MACROD2: variants seen among roughly 807,000 people sequenced by gnomAD.
The protein encoded by MACROD2 is mono-ADP ribosylhydrolase 2.
Under a neutral mutation model 70.4 loss-of-function variants are expected in MACROD2, and 36 were observed. The ratio of observed to expected loss-of-function variants is 0.51; its 90% CI spans 0.39 to 0.68. The LOEUF is 0.68. MACROD2 is among the 30% of genes least tolerant of loss of function. The pLI is 0.00. For synonymous variants in MACROD2, 172 were observed against 178.8 expected (o/e 0.96, Z 0.30); for missense variants, 496 against 538.4 (o/e 0.92, Z 0.78).
intron 6 of MACROD2, among the ~76,000 whole-genome samples, chr20:15,300,633 T>G (rs890248072): frequency 1.3e-5 from 2 of 152,168 alleles, no homozygotes; most frequent in African/African-American, 4.8e-5. Flanking sequence ...TTACAAGACT[T>G]ACTTTGAAAT....
chr20:14,681,295 C>T (rs944724548), intron 4 of MACROD2, among the ~76,000 whole-genome samples: 15 of 152,072 alleles, frequency 9.9e-5, no homozygotes, highest in Non-Finnish European at 1.8e-4. Context: ...CGTATAGCTA[C>T]AAGATGGTTT....
At chr20:15,788,571 G>A (rs904664966) in intron 8 of MACROD2, among the ~76,000 whole-genome samples, 1 of 152,130 alleles carries the variant, frequency 6.6e-6, no homozygotes, top group African/African-American at 2.4e-5. Context: ...GTTACTAAGA[G>A]GTAATTACTG....
At chr20:15,647,517 A>G (rs949514385) in intron 8 of MACROD2, among the ~76,000 whole-genome samples, 13 of 152,190 alleles carry the variant, frequency 8.5e-5, no homozygotes, top group Admixed American at 7.9e-4. Flanking sequence ...AGAAAATATT[A>G]AAGTTTGTCT....
chr20:14,976,257 T>A (rs1441168260), intron 5 of MACROD2, among the ~76,000 whole-genome samples: 1 of 152,214 alleles, frequency 6.6e-6, no homozygotes, highest in Non-Finnish European at 1.5e-5. Context: ...TCAGTTTCCT[T>A]GGGCTAAAGG....
At chr20:15,506,611 C>T (rs2047429033) in intron 8 of MACROD2, among the ~76,000 whole-genome samples, 3 of 152,158 alleles carry the variant, frequency 2.0e-5, no homozygotes, top group Admixed American at 2.0e-4. Flanking sequence ...TGGGGCCTGC[C>T]TTATGTCTCT....
intron 6 of MACROD2, among the ~76,000 whole-genome samples, chr20:15,289,197 A>G (rs998999975): frequency 2.0e-5 from 3 of 152,208 alleles, no homozygotes; most frequent in African/African-American, 7.2e-5. Flanking sequence ...GCAGTCAAGT[A>G]GCATGGATCC....
At chr20:14,734,120 A>G (rs573511336) in intron 5 of MACROD2, among the ~76,000 whole-genome samples, 1 of 152,204 alleles carries the variant, frequency 6.6e-6, no homozygotes, top group South Asian at 2.1e-4. Flanking sequence ...AAACCGTCAA[A>G]GAGTCTGAAA....
chr20:15,585,695 T>C (rs1373997740), intron 8 of MACROD2, among the ~76,000 whole-genome samples: 1 of 152,216 alleles, frequency 6.6e-6, no homozygotes, highest in East Asian at 1.9e-4. Context: ...TAAGCTCCAG[T>C]TGCTCCCTGA....
At chr20:15,993,210 C>A (rs1421401292) in intron 15 of MACROD2, among the ~76,000 whole-genome samples, 2 of 148,204 alleles carry the variant, frequency 1.3e-5, no homozygotes, top group Non-Finnish European at 3.0e-5. Flanking sequence ...GATGTTAAAA[C>A]TGGTTCAAAG....
intron 8 of MACROD2, among the ~76,000 whole-genome samples, chr20:15,689,463 C>T (rs1433571564): frequency 6.6e-6 from 1 of 152,076 alleles, no homozygotes; most frequent in Admixed American, 6.5e-5. Flanking sequence ...TAGAGAACAA[C>T]TGGGGAGCTT....
chr20:14,275,531 G>A (rs1275297468), intron 3 of MACROD2, among the ~76,000 whole-genome samples: 1 of 151,538 alleles, frequency 6.6e-6, no homozygotes. Flanking sequence ...AAAAACCCTA[G>A]AAGAAAACCT....
chr20:14,282,116 T>A (rs2082311268), intron 3 of MACROD2, among the ~76,000 whole-genome samples: 1 of 152,150 alleles, frequency 6.6e-6, no homozygotes, highest in Non-Finnish European at 1.5e-5. Flanking sequence ...ATTCTATGTT[T>A]GCTTCTACAT....
At chr20:14,552,094 G>T (rs1978689847) in intron 4 of MACROD2, among the ~76,000 whole-genome samples, 1 of 151,430 alleles carries the variant, frequency 6.6e-6, no homozygotes, top group African/African-American at 2.4e-5. Context: ...TTCTCCTCAG[G>T]GAGATCAGAA....
At chr20:14,874,290 A>G (rs2073523883) in intron 5 of MACROD2, among the ~76,000 whole-genome samples, 1 of 47,922 alleles carries the variant, frequency 2.1e-5, no homozygotes, top group African/African-American at 6.8e-5. Context: ...ATGGAGATTC[A>G]TTTATTTATT....
intron 15 of MACROD2, among the ~76,000 whole-genome samples, chr20:16,021,104 A>G (rs1282552442): frequency 6.6e-6 from 1 of 152,198 alleles, no homozygotes; most frequent in African/African-American, 2.4e-5. Flanking sequence ...TTTTTAATAG[A>G]AAATGATAAA....
intron 5 of MACROD2, among the ~76,000 whole-genome samples, chr20:14,954,706 T>TTATAAATA (rs540994223): frequency 0.48 from 12,782 of 26,654 alleles, 1,230 homozygotes; most frequent in East Asian, 0.62. Context: ...TATAAATAAA[T>TTATAAATA]TATAAATATA....
intron 12 of MACROD2, among the ~76,000 whole-genome samples, chr20:15,939,841 G>C (rs79530835): frequency 0.014 from 2,074 of 152,136 alleles, 46 homozygotes; most frequent in African/African-American, 0.047. Context: ...GTTAACAAGG[G>C]TTTGAAAGAA....
At chr20:14,877,102 C>G (rs2073559551) in intron 5 of MACROD2, among the ~76,000 whole-genome samples, 2 of 152,114 alleles carry the variant, frequency 1.3e-5, no homozygotes, top group Non-Finnish European at 2.9e-5. Flanking sequence ...GAATGTTTTT[C>G]CATCTGTTTG....
chr20:15,064,350 C>T (rs1006243129), intron 5 of MACROD2, among the ~76,000 whole-genome samples: 18 of 152,158 alleles, frequency 1.2e-4, no homozygotes, highest in African/African-American at 2.4e-4. Context: ...CGTCAGACGG[C>T]ATCTGCTCAG....
Sources: allele counts gnomAD v4.1 joint callset (sites outside exome capture counted in the v4.1 genomes callset), GRCh38; gene constraint gnomAD v4.1.1; transcripts MANE v1.5; gene names NCBI Gene and HGNC (gene_info 2026-07-23, HGNC 2026-07-21).